HS6ST3: variants seen among roughly 807,000 people sequenced by gnomAD.
HS6ST3 encodes heparan-sulfate 6-O-sulfotransferase 3.
A neutral mutation model predicts 36.7 loss-of-function variants in HS6ST3; 12 were observed. The observed-to-expected ratio is 0.33, with a 90% CI of 0.21 to 0.53. HS6ST3 has a LOEUF of 0.53. HS6ST3 is among the 20% of genes least tolerant of loss of function. The probability of loss-of-function intolerance (pLI) is 0.95; values close to 1 mark genes in which losing one functional copy is unlikely to be tolerated. For synonymous variants in HS6ST3, 240 were observed against 257.5 expected (o/e 0.93, Z 0.65); for missense variants, 584 against 640.9 (o/e 0.91, Z 0.96).
chr13:96,679,532 C>T (rs1443534300), intron 1 of HS6ST3, among the ~76,000 whole-genome samples: 1 of 152,130 alleles, frequency 6.6e-6, no homozygotes, highest in Non-Finnish European at 1.5e-5. Flanking sequence ...TTTCTCATCC[C>T]TCACCATCAC....
rs2053754991 is a variant in HS6ST3, at chr13:96,090,472, G to T, written c.-391G>T. On this transcript the variant is annotated 5_prime_UTR_variant, in exon 1 of 2. Transcript: ENST00000376705. ...CGCAGCTACCCGGCTGCCCGGCTGC[G>T]CGCGGCAGGTCCAGGACCCGAACCC... Among the ~76,000 whole-genome samples, 1 of 146,384 alleles carries T rather than the reference G, an allele frequency of 6.8e-6. No homozygotes were observed. The highest frequency in any genetic ancestry group is 6.8e-5 in the Admixed American group (1 of 14,734).
At chr13:96,227,679 A>G (rs184668981) in intron 1 of HS6ST3, among the ~76,000 whole-genome samples, 49 of 152,346 alleles carry the variant, frequency 3.2e-4, no homozygotes, top group African/African-American at 1.1e-3. Context: ...TCTATGAGTC[A>G]TATTTTTTTC....
chr13:96,380,869 G>A (rs1448785118), intron 1 of HS6ST3, among the ~76,000 whole-genome samples: 1 of 152,122 alleles, frequency 6.6e-6, no homozygotes, highest in Non-Finnish European at 1.5e-5. Flanking sequence ...AGACCTGATC[G>A]CTACTCAGAA....
chr13:96,795,836 C>T (rs528242050), intron 1 of HS6ST3, among the ~76,000 whole-genome samples: 1 of 152,104 alleles, frequency 6.6e-6, no homozygotes. Flanking sequence ...GCAATTTCTG[C>T]CAAGTGGCAA....
chr13:96,745,632 T>G (rs746971017), intron 1 of HS6ST3, among the ~76,000 whole-genome samples: 2 of 152,194 alleles, frequency 1.3e-5, no homozygotes, highest in Non-Finnish European at 2.9e-5. Context: ...CCAGACCTTT[T>G]TGTAAAGGGC....
At chr13:96,104,485 C>G (rs955060113) in intron 1 of HS6ST3, among the ~76,000 whole-genome samples, 1 of 152,154 alleles carries the variant, frequency 6.6e-6, no homozygotes. Flanking sequence ...CTTGCTGACC[C>G]TGAAGGAACT....
chr13:96,420,068 T>C (rs2055555594), intron 1 of HS6ST3, among the ~76,000 whole-genome samples: 1 of 152,212 alleles, frequency 6.6e-6, no homozygotes, highest in Admixed American at 6.5e-5. Flanking sequence ...CTCATAGTTA[T>C]AGCTTAGGTT....
At chr13:96,258,603 C>T (rs908090408) in intron 1 of HS6ST3, among the ~76,000 whole-genome samples, 3 of 152,132 alleles carry the variant, frequency 2.0e-5, no homozygotes. Flanking sequence ...GCAATGGGCA[C>T]TTAGGATAGG....
chr13:96,091,572 A>G lies in HS6ST3; in HGVS notation c.707+3A>G. The G allele has an allele frequency of 1.3e-6, 2 of 1,564,762 alleles. No individual in the cohort carries two copies. The highest frequency in any genetic ancestry group is 1.7e-6 in the Non-Finnish European group (2 of 1,161,402). On this transcript the variant is annotated splice_donor_region_variant and intron_variant, in intron 1 of 1. Transcript: ENST00000376705. ...CCCCGCAACCACAGCCACACCAGGT[A>G]CTGTCGCCCGCTGGGTCTCTGTTCT...
intron 1 of HS6ST3, among the ~76,000 whole-genome samples, chr13:96,528,578 C>T (rs1226212824): frequency 1.6e-4 from 24 of 152,104 alleles, no homozygotes; most frequent in Admixed American, 1.3e-3. Context: ...ATGTTTAATA[C>T]GTAATATCAA....
At chr13:96,178,082 A>G (rs2054221130) in intron 1 of HS6ST3, among the ~76,000 whole-genome samples, 1 of 152,154 alleles carries the variant, frequency 6.6e-6, no homozygotes, top group African/African-American at 2.4e-5. Flanking sequence ...GTGTTTTGGT[A>G]TCTGGGAATT....
In HS6ST3 at chr13:96,221,355, A is replaced by G. The variant is rs532075958; in HGVS notation, c.707+129786A>G. The stretch of plus-strand genomic sequence containing the variant: ...CCCTACCCTTCTGTCATTTTCAATT[A>G]TTTATTGTTTCATTGCCTGTGGGGT... On this transcript the variant is annotated intron_variant, in intron 1 of 1. Transcript: ENST00000376705. Among the ~76,000 whole-genome samples the G allele has an allele frequency of 7.2e-5, 11 of 152,260 alleles. No individual in the cohort carries two copies. The South Asian group carries it at 1.0e-3, about 14-fold the overall frequency.
At chr13:96,630,305 T>G (rs975611304) in intron 1 of HS6ST3, among the ~76,000 whole-genome samples, 4 of 152,176 alleles carry the variant, frequency 2.6e-5, no homozygotes, top group African/African-American at 7.2e-5. Context: ...GAGGACCATT[T>G]GATCTACAGC....
chr13:96,189,264 C>T (rs1451248747), intron 1 of HS6ST3, among the ~76,000 whole-genome samples: 2 of 151,930 alleles, frequency 1.3e-5, no homozygotes, highest in African/African-American at 2.4e-5. Flanking sequence ...AAACAGAGTT[C>T]GTGAGTGGGG....
rs1383574095 is a variant in HS6ST3, at chr13:96,838,281, T to C, written c.*5083T>C. ...CAGCCTGGAAACATATGGACTATAATTATTTTAGCTATTTAAAAGAAATGA... is the reference window on the plus strand; with the variant it reads ...CAGCCTGGAAACATATGGACTATAACTATTTTAGCTATTTAAAAGAAATGA... On this transcript the variant is annotated 3_prime_UTR_variant, in exon 2 of 2. Transcript: ENST00000376705. 6.6e-6 allele frequency: 1 copy of C among 152,222 alleles called. No individual in the cohort carries two copies. The highest frequency in any genetic ancestry group is 1.5e-5 in the Non-Finnish European group (1 of 68,044). The allele number at this position is 152,222 out of a possible 1,614,324, so 9.4% of individuals were successfully genotyped here.
intron 1 of HS6ST3, among the ~76,000 whole-genome samples, chr13:96,457,740 T>G (rs1204340200): frequency 1.3e-5 from 2 of 152,148 alleles, no homozygotes; most frequent in African/African-American, 4.8e-5. Context: ...GAGAAGTGGC[T>G]GTGTTAATTT....
At chr13:96,783,291 A>G (rs949075335) in intron 1 of HS6ST3, among the ~76,000 whole-genome samples, 5 of 152,144 alleles carry the variant, frequency 3.3e-5, no homozygotes, top group African/African-American at 9.7e-5. Flanking sequence ...ATATTGCGTT[A>G]TGACTGCTTT....
chr13:96,810,136 G>C (rs531761857), intron 1 of HS6ST3, among the ~76,000 whole-genome samples: 1 of 152,150 alleles, frequency 6.6e-6, no homozygotes, highest in African/African-American at 2.4e-5. Flanking sequence ...CCCAGAGGCC[G>C]CTGTGAGGCA....
At chr13:96,288,722 C>A (rs1431640012) in intron 1 of HS6ST3, among the ~76,000 whole-genome samples, 1 of 151,990 alleles carries the variant, frequency 6.6e-6, no homozygotes, top group African/African-American at 2.4e-5. Context: ...AATACTAAAA[C>A]CCTAAATCAT....
Sources: allele counts gnomAD v4.1 joint callset (sites outside exome capture counted in the v4.1 genomes callset), GRCh38; gene constraint gnomAD v4.1.1; transcripts MANE v1.5; gene names NCBI Gene and HGNC (gene_info 2026-07-23, HGNC 2026-07-21).